PLS3: variants seen among roughly 807,000 people sequenced by gnomAD.
PLS3 encodes plastin-3.
In PLS3, 11 loss-of-function variants were observed where a neutral mutation model predicts 46.5. The ratio of observed to expected loss-of-function variants is 0.24; its 90% CI spans 0.15 to 0.39. The LOEUF (loss-of-function observed/expected upper bound fraction) is 0.39. PLS3 is among the 10% of genes least tolerant of loss of function. PLS3 has a pLI of 1.00. For synonymous variants in PLS3, 167 were observed against 162.2 expected (o/e 1.03, Z -0.22); for missense variants, 308 against 461.8 (o/e 0.67, Z 3.05).
chrX:115,571,176 A>G (rs1413192209), intron 1 of PLS3, among the ~76,000 whole-genome samples: 5 of 110,170 alleles, frequency 4.5e-5, no homozygotes, highest in African/African-American at 1.6e-4. Flanking sequence ...TACAGGCGTG[A>G]GCCACTGAAC....
intron 1 of PLS3, among the ~76,000 whole-genome samples, chrX:115,595,732 C>T (rs1236223830): frequency 1.5e-4 from 15 of 96,794 alleles, no homozygotes; most frequent in Non-Finnish European, 2.9e-4. Flanking sequence ...CTCTGTTGCC[C>T]AGGCTGGAGT....
At position 115,637,007 on chromosome X, in the gene PLS3, G is replaced by T. The variant is rs782101336; in HGVS notation, c.891+29G>T. 5.1e-6 allele frequency: 6 copies of T among 1,176,987 alleles called. No homozygotes were observed. The Admixed American group carries it at 1.1e-4, about 22-fold the overall frequency. On this transcript the variant is annotated intron_variant, in intron 8 of 15. Transcript: ENST00000355899. ...ACTGTTGAAAGAATCACAACATTTT[G>T]GGGGGATATAATAGCTGGAAGATTT...
intron 1 of PLS3, among the ~76,000 whole-genome samples, chrX:115,593,213 T>TC (rs1556633363): frequency 1.8e-5 from 2 of 110,501 alleles, no homozygotes; most frequent in Non-Finnish European, 3.8e-5. Context: ...GAGAAGCTGT[T>TC]CCATGTGTTC....
chrX:115,577,381 A>T (rs1352770477), intron 1 of PLS3, among the ~76,000 whole-genome samples: 1 of 111,856 alleles, frequency 8.9e-6, no homozygotes, highest in Admixed American at 9.5e-5. Context: ...CTAAACACTG[A>T]TCATAAAGAG....
At chrX:115,564,425 G>A (rs2074159442) in intron 1 of PLS3, among the ~76,000 whole-genome samples, 1 of 112,263 alleles carries the variant, frequency 8.9e-6, no homozygotes, top group South Asian at 3.7e-4. Flanking sequence ...GACTTTGACT[G>A]TGACTGTTTA....
chrX:115,592,195 C>G (rs782708845), intron 1 of PLS3, among the ~76,000 whole-genome samples: 22 of 111,793 alleles, frequency 2.0e-4, no homozygotes, highest in African/African-American at 6.5e-4. Context: ...TCTATTGTCT[C>G]ACTTTCTTTC....
intron 6 of PLS3, 58 bp downstream of exon 6, chrX:115,634,139 C>G (rs983314615): frequency 7.5e-6 from 5 of 663,443 alleles, no homozygotes; most frequent in Admixed American, 5.3e-5. Context: ...ACCTGTTCTG[C>G]AGACTTCAGC....
Position 115,649,598 on chromosome X carries a change from T to A in PLS3, c.*37T>A. 1 of 1,161,614 alleles carries A rather than the reference T, an allele frequency of 8.6e-7. No homozygotes were observed. Among genetic ancestry groups the A allele is most frequent in the Non-Finnish European group, 1.2e-6 (1 of 858,404 alleles). ...TGAATAAAACAGCCATGCTCCCAGG[T>A]GCATGATTCGCAGGTCAGCTATTTC... On this transcript the variant is annotated 3_prime_UTR_variant, in exon 16 of 16. Transcript: ENST00000355899.
chrX:115,613,671 G>A (rs137876745), intron 2 of PLS3, among the ~76,000 whole-genome samples: 46 of 111,392 alleles, frequency 4.1e-4, no homozygotes, highest in African/African-American at 1.4e-3. Flanking sequence ...ACATGTGTGG[G>A]TGCATGGGTA....
chrX:115,629,565 A>G (rs2074743510), intron 4 of PLS3, among the ~76,000 whole-genome samples: 1 of 111,989 alleles, frequency 8.9e-6, no homozygotes, highest in African/African-American at 3.2e-5. Context: ...AGGCTTTATT[A>G]CAGTGCATTA....
chrX:115,648,664 T>C (rs2074975303), intron 15 of PLS3, among the ~76,000 whole-genome samples: 1 of 111,794 alleles, frequency 8.9e-6, no homozygotes, highest in Non-Finnish European at 1.9e-5. Flanking sequence ...ACCGAACAGC[T>C]AAGAAGCATT....
intron 1 of PLS3, among the ~76,000 whole-genome samples, chrX:115,599,419 G>T (rs2074420153): frequency 9.6e-6 from 1 of 103,837 alleles, no homozygotes; most frequent in Non-Finnish European, 2.0e-5. Context: ...TACTGGGGGT[G>T]GGAGGTGCTG....
chrX:115,599,876 C>A (rs1300200206), intron 1 of PLS3, among the ~76,000 whole-genome samples: 2 of 110,161 alleles, frequency 1.8e-5, no homozygotes, highest in Non-Finnish European at 3.8e-5. Context: ...GTGATCTGCC[C>A]GCCTCGGCCT....
intron 1 of PLS3, among the ~76,000 whole-genome samples, chrX:115,570,608 G>C (rs782233747): frequency 9.7e-6 from 1 of 103,038 alleles, no homozygotes; most frequent in East Asian, 3.2e-4. Context: ...GGGCTCAAGC[G>C]ATCTCCGTGC....
At chrX:115,611,970 C>T (rs1472491252) in intron 2 of PLS3, among the ~76,000 whole-genome samples, 2 of 111,647 alleles carry the variant, frequency 1.8e-5, no homozygotes, top group Non-Finnish European at 3.8e-5. Context: ...CCCTGCCAGG[C>T]ATATGTTCCT....
At position 115,599,388 on chromosome X, in the gene PLS3, G is replaced by T. The variant is rs186878973; in HGVS notation, c.-8-10855G>T. Among the ~76,000 whole-genome samples the T allele has an allele frequency of 8.3e-4, 86 of 103,786 alleles. 1 individual carries two copies. Among genetic ancestry groups the T allele is most frequent in the African/African-American group, 2.9e-3 (82 of 28,642 alleles). The allele number at this position is 103,786 out of a possible 115,157, so 90.1% of individuals were successfully genotyped here. ...AATTAAAAATTAGCCGAGTATGGTGGTGCATGCTTGTAGTCCTAGCTACTG... is the reference window on the plus strand; with the variant it reads ...AATTAAAAATTAGCCGAGTATGGTGTTGCATGCTTGTAGTCCTAGCTACTG... On this transcript the variant is annotated intron_variant, in intron 1 of 15. Coordinates refer to ENST00000355899, the MANE Select transcript of PLS3 (RefSeq NM_005032.7).
In PLS3 at chrX:115,589,959, A is replaced by T. The variant is rs183694859; in HGVS notation, c.-8-20284A>T. Among the ~76,000 whole-genome samples the T allele has an allele frequency of 6.9e-3, 772 of 111,809 alleles. 5 individuals are homozygous for T. The highest frequency in any genetic ancestry group is 0.024 in the African/African-American group (726 of 30,754). On this transcript the variant is annotated intron_variant, in intron 1 of 15. Coordinates refer to ENST00000355899, the MANE Select transcript of PLS3 (RefSeq NM_005032.7). ...CTGCAACCTCCACTTCTGGGGTTCA[A>T]GCTGTTCTCCTGCCTCAGCCTCCCA...
At chrX:115,620,690 C>CT (rs370878043) in intron 2 of PLS3, among the ~76,000 whole-genome samples, 127 of 69,164 alleles carry the variant, frequency 1.8e-3, no homozygotes, top group African/African-American at 5.6e-3. Flanking sequence ...ATGCTTTTTT[C>CT]TTTTTTTTTT....
intron 1 of PLS3, among the ~76,000 whole-genome samples, chrX:115,602,133 G>A (rs2074451071): frequency 9.0e-6 from 1 of 111,393 alleles, no homozygotes; most frequent in African/African-American, 3.3e-5. Flanking sequence ...CTTTTCTGAC[G>A]CCTACCATTT....
Sources: allele counts gnomAD v4.1 joint callset (sites outside exome capture counted in the v4.1 genomes callset), GRCh38; gene constraint gnomAD v4.1.1; transcripts MANE v1.5; gene names NCBI Gene and HGNC (gene_info 2026-07-23, HGNC 2026-07-21).